The following AUTS2 variants were observed in gnomAD, a reference collection of about 807,000 sequenced individuals.
The protein encoded by AUTS2 is activator of transcription and developmental regulator AUTS2.
Under a neutral mutation model 112.4 loss-of-function variants are expected in AUTS2, and 17 were observed. That is an observed-to-expected ratio of 0.15 (90% CI 0.10 to 0.23). AUTS2 has a LOEUF of 0.23. Ranked by LOEUF, AUTS2 falls within the 10% of genes least tolerant of loss-of-function variation. The probability of loss-of-function intolerance (pLI) is 1.00; values close to 1 mark genes in which losing one functional copy is unlikely to be tolerated. For missense variants in AUTS2, 1,510 were observed against 1,701.6 expected, an observed-to-expected ratio of 0.89 and a Z score of 1.98; for synonymous variants, 751 against 702.7, an observed-to-expected ratio of 1.07 and a Z score of -1.09.
At chr7:69,788,028 G>A (rs1245493667) in intron 1 of AUTS2, among the ~76,000 whole-genome samples, 1 of 152,160 alleles carries the variant, frequency 6.6e-6, no homozygotes, top group Non-Finnish European at 1.5e-5. Flanking sequence ...ATTCCTGATT[G>A]GTTCAGCTAG....
At chr7:70,592,555 T>C (rs1199745592) in intron 5 of AUTS2, among the ~76,000 whole-genome samples, 2 of 151,996 alleles carry the variant, frequency 1.3e-5, no homozygotes, top group African/African-American at 2.4e-5. Flanking sequence ...AGATATGAGG[T>C]ATCACCATGT....
intron 1 of AUTS2, among the ~76,000 whole-genome samples, chr7:69,764,802 G>A (rs1788349396): frequency 1.3e-5 from 2 of 152,180 alleles, no homozygotes; most frequent in African/African-American, 4.8e-5. Context: ...AAGTTGCTGT[G>A]TTCTTGACCT....
At chr7:69,871,856 G>T (rs1793511592) in intron 1 of AUTS2, among the ~76,000 whole-genome samples, 1 of 152,158 alleles carries the variant, frequency 6.6e-6, no homozygotes, top group Admixed American at 6.5e-5. Flanking sequence ...TCAGATTGTA[G>T]TTGACTATGG....
intron 4 of AUTS2, among the ~76,000 whole-genome samples, chr7:70,219,225 A>G (rs1191127004): frequency 2.0e-5 from 3 of 152,232 alleles, no homozygotes; most frequent in Non-Finnish European, 2.9e-5. Context: ...TGCTAGTGAT[A>G]CATTTTTATT....
intron 2 of AUTS2, among the ~76,000 whole-genome samples, chr7:70,033,812 C>T (rs1285286047): frequency 2.6e-5 from 4 of 151,162 alleles, no homozygotes; most frequent in East Asian, 1.9e-4. Context: ...AGTTGGGAGA[C>T]GTGGAGGGGC....
chr7:70,243,203 T>C (rs756636738), intron 4 of AUTS2, among the ~76,000 whole-genome samples: 5 of 151,504 alleles, frequency 3.3e-5, no homozygotes, highest in Non-Finnish European at 5.9e-5. Context: ...AGTTTTCCTT[T>C]AAAAAATAGA....
intron 4 of AUTS2, among the ~76,000 whole-genome samples, chr7:70,215,524 T>A (rs1811123784): frequency 6.6e-6 from 1 of 152,142 alleles, no homozygotes. Flanking sequence ...AATATTACTC[T>A]CCGGAGAATG....
intron 12 of AUTS2, 152 bp downstream of exon 12, chr7:70,774,251 T>C: frequency 1.4e-6 from 1 of 698,904 alleles, no homozygotes; most frequent in Non-Finnish European, 2.5e-6. Context: ...TGCCAATTAC[T>C]CTTAGAAAAC....
chr7:70,147,505 T>C (rs1807193607), intron 4 of AUTS2, among the ~76,000 whole-genome samples: 1 of 152,088 alleles, frequency 6.6e-6, no homozygotes, highest in Non-Finnish European at 1.5e-5. Flanking sequence ...CTTCCAGACT[T>C]GTAAAATAGT....
At chr7:70,685,472 C>CAAAAAAAAAAAAAAA (rs34403837) in intron 5 of AUTS2, among the ~76,000 whole-genome samples, 5 of 65,916 alleles carry the variant, frequency 7.6e-5, no homozygotes, top group Admixed American at 1.6e-4. Flanking sequence ...GACTCTGTCT[C>CAAAAAAAAAAAAAAA]AAAAAAAAAA....
chr7:70,696,937 A>C (rs920930060), intron 5 of AUTS2, among the ~76,000 whole-genome samples: 1 of 152,194 alleles, frequency 6.6e-6, no homozygotes, highest in Non-Finnish European at 1.5e-5. Flanking sequence ...ATTTACATTC[A>C]AAAAGAATTC....
rs369162835 is a variant in AUTS2 at position 70,041,666 on chromosome 7, A to AATG, written c.523-76464_523-76462dup. 2.5e-3 allele frequency among the ~76,000 whole-genome samples: 374 copies of AATG among 152,292 alleles called. 1 individual carries two copies. The highest frequency in any genetic ancestry group is 8.3e-3 in the African/African-American group (344 of 41,556). ...TATATGTGTTTGCCTTTTTTAAAACAATGAAGTTGATTTATTACCTTCTGG... is the reference window on the plus strand; with the variant it reads ...TATATGTGTTTGCCTTTTTTAAAACAATGATGAAGTTGATTTATTACCTTCTGG... On this transcript the variant is annotated intron_variant, in intron 2 of 18. Transcript: ENST00000342771.
At chr7:70,750,410 T>C (rs1032485985) in intron 6 of AUTS2, among the ~76,000 whole-genome samples, 1 of 149,640 alleles carries the variant, frequency 6.7e-6, no homozygotes, top group Non-Finnish European at 1.5e-5. Flanking sequence ...CTGCAGCCTC[T>C]ACCTCCCAGG....
At chr7:70,104,671 T>C (rs1284471290) in intron 2 of AUTS2, among the ~76,000 whole-genome samples, 1 of 152,370 alleles carries the variant, frequency 6.6e-6, no homozygotes. Context: ...TTTGTGTTTC[T>C]TGTCTTTTTT....
At chr7:70,777,569 C>A (rs1168045639) in intron 14 of AUTS2, among the ~76,000 whole-genome samples, 1 of 152,108 alleles carries the variant, frequency 6.6e-6, no homozygotes, top group Non-Finnish European at 1.5e-5. Flanking sequence ...AGACTCCTGG[C>A]CCCAAGCAGT....
intron 1 of AUTS2, among the ~76,000 whole-genome samples, chr7:69,871,772 C>T (rs1290178250): frequency 6.6e-6 from 1 of 152,110 alleles, no homozygotes; most frequent in Non-Finnish European, 1.5e-5. Flanking sequence ...CAGCACAGGG[C>T]CTCATGCTAT....
intron 1 of AUTS2, among the ~76,000 whole-genome samples, chr7:69,626,323 AATT>A (rs1214315836): frequency 6.6e-6 from 1 of 152,026 alleles, no homozygotes; most frequent in Non-Finnish European, 1.5e-5. Flanking sequence ...GGTGCGATTT[AATT>A]ATTATTATTT....
intron 1 of AUTS2, among the ~76,000 whole-genome samples, chr7:69,872,155 A>G (rs1793527325): frequency 1.3e-5 from 2 of 152,218 alleles, no homozygotes; most frequent in African/African-American, 4.8e-5. Flanking sequence ...GAGCGATTGC[A>G]CAGGTCACAC....
At chr7:70,789,181 G>A (rs369007597) in intron 18 of AUTS2, among the ~76,000 whole-genome samples, 111 of 152,298 alleles carry the variant, frequency 7.3e-4, no homozygotes, top group Middle Eastern at 3.4e-3. Context: ...CTCACGTGCT[G>A]TGTCTTGGAG....
Sources: allele counts gnomAD v4.1 joint callset (sites outside exome capture counted in the v4.1 genomes callset), GRCh38; gene constraint gnomAD v4.1.1; transcripts MANE v1.5; gene names NCBI Gene and HGNC (gene_info 2026-07-23, HGNC 2026-07-21).